MAPKAPK5: variants seen among roughly 807,000 people sequenced by gnomAD.
MAPKAPK5 encodes MAPK activated protein kinase 5.
Under a neutral mutation model 65.1 loss-of-function variants are expected in MAPKAPK5, and 30 were observed. The ratio of observed to expected loss-of-function variants is 0.46; its 90% CI spans 0.34 to 0.63. MAPKAPK5 has a LOEUF of 0.63. Among genes scored for constraint, MAPKAPK5 ranks in the 20% least tolerant of loss-of-function variants. The probability of loss-of-function intolerance (pLI) is 0.01; values close to 1 mark genes in which losing one functional copy is unlikely to be tolerated. For synonymous variants in MAPKAPK5, 179 were observed against 204.6 expected (o/e 0.87, Z 1.07); for missense variants, 433 against 581.4 (o/e 0.74, Z 2.63).
In MAPKAPK5 at chr12:111,880,508, C is replaced by T. The variant is rs1372322864; in HGVS notation, c.641C>T (p.Thr214Met). ...EKSGIIPTSP[T>M]PYTYNKSCDL... ...TCTGGCATCATACCTACCTCACCGA[C>T]GCCCTACACTTACAACAAGGTACAG... The change falls in exon 8 of 14, where the codon ACG becomes ATG. Residue 214 changes from threonine (T) to methionine (M), a missense_variant. Coordinates refer to ENST00000550735, the MANE Select transcript of MAPKAPK5 (RefSeq NM_003668.4). 1.4e-5 allele frequency: 22 copies of T among 1,610,316 alleles called. No individual in the cohort carries two copies. Among genetic ancestry groups the T allele is most frequent in the African/African-American group, 4.1e-5 (3 of 73,948 alleles).
chr12:111,866,016 T>G (rs370809585), intron 2 of MAPKAPK5, 140 bp from the exon 3 acceptor site: 2 of 630,972 alleles, frequency 3.2e-6, no homozygotes, highest in South Asian at 4.0e-5. Context: ...CCCCACCTGC[T>G]ACCCTTGGGG....
chr12:111,870,525 G>A (rs1281987186), intron 6 of MAPKAPK5, among the ~76,000 whole-genome samples, 165 bp downstream of exon 6: 2 of 152,192 alleles, frequency 1.3e-5, no homozygotes, highest in African/African-American at 2.4e-5. Context: ...CAGAGAAGCT[G>A]TACTACTGTA....
At chr12:111,869,875 A>G (rs977307498) in intron 5 of MAPKAPK5, among the ~76,000 whole-genome samples, 1 of 152,196 alleles carries the variant, frequency 6.6e-6, no homozygotes, top group Non-Finnish European at 1.5e-5. Context: ...GGAGAGTGCC[A>G]TTCTTGTCTG....
chr12:111,872,782 C>T (rs1657226635), intron 7 of MAPKAPK5, among the ~76,000 whole-genome samples: 1 of 152,172 alleles, frequency 6.6e-6, no homozygotes, highest in African/African-American at 2.4e-5. Context: ...ATGAGTGTCT[C>T]TCTCTATGAC....
chr12:111,863,020 T>A (rs1471768909), intron 1 of MAPKAPK5, among the ~76,000 whole-genome samples: 1 of 152,098 alleles, frequency 6.6e-6, no homozygotes, highest in Non-Finnish European at 1.5e-5. Context: ...GAGGAGGTGG[T>A]GAGTGAAGAT....
intron 6 of MAPKAPK5, 122 bp from the exon 7 acceptor site, chr12:111,870,963 A>C: frequency 1.5e-6 from 1 of 670,306 alleles, no homozygotes; most frequent in Non-Finnish European, 2.6e-6. Context: ...TATTTTCATA[A>C]GTTCGCATCT....
chr12:111,845,627 A>T (rs1052582974), intron 1 of MAPKAPK5, among the ~76,000 whole-genome samples: 3 of 152,296 alleles, frequency 2.0e-5, no homozygotes, highest in African/African-American at 7.2e-5. Flanking sequence ...AAATGTGCTT[A>T]TAATAATACC....
intron 2 of MAPKAPK5, among the ~76,000 whole-genome samples, chr12:111,865,866 G>A (rs538547229): frequency 6.7e-6 from 1 of 148,656 alleles, no homozygotes; most frequent in African/African-American, 2.5e-5. Context: ...AAAGGGTGTC[G>A]AGACTGTGGG....
intron 1 of MAPKAPK5, among the ~76,000 whole-genome samples, chr12:111,848,097 C>T (rs1458719656): frequency 6.6e-6 from 1 of 152,090 alleles, no homozygotes; most frequent in Non-Finnish European, 1.5e-5. Context: ...GTGTAGATAG[C>T]TAGATGTGGA....
Position 111,888,623 on chromosome 12 carries a change from CTG to C in MAPKAPK5, c.1100+6_1100+7del. 1.2e-6 allele frequency: 2 copies of C among 1,613,350 alleles called. No homozygotes were observed. The highest frequency in any genetic ancestry group is 1.7e-6 in the Non-Finnish European group (2 of 1,179,694). ...GCGGAAGAGGAAGTTACTTGGGTAACTGAGCTTATTTCTTCGATTCTTCTTCA... is the reference window on the plus strand; with the variant it reads ...GCGGAAGAGGAAGTTACTTGGGTAACAGCTTATTTCTTCGATTCTTCTTCA... On this transcript the variant is annotated splice_donor_region_variant and intron_variant, in intron 11 of 13. Coordinates refer to ENST00000550735, the MANE Select transcript of MAPKAPK5 (RefSeq NM_003668.4).
chr12:111,871,227 A>G (rs1362056459), intron 7 of MAPKAPK5, 47 bp downstream of exon 7: 1 of 1,493,370 alleles, frequency 6.7e-7, no homozygotes, highest in South Asian at 1.2e-5. Flanking sequence ...CAAGCTGCCC[A>G]TCAACTCGTG....
chr12:111,892,425 C>G (rs2070645126), intron 13 of MAPKAPK5, among the ~76,000 whole-genome samples: 1 of 152,166 alleles, frequency 6.6e-6, no homozygotes, highest in South Asian at 2.1e-4. Flanking sequence ...CTGGTTACTT[C>G]ACGTCCACAC....
intron 1 of MAPKAPK5, among the ~76,000 whole-genome samples, chr12:111,846,866 T>C (rs1307673578): frequency 6.6e-6 from 1 of 152,168 alleles, no homozygotes; most frequent in Admixed American, 6.6e-5. Flanking sequence ...GCCTGGGACA[T>C]GAATCATCCC....
intron 1 of MAPKAPK5, among the ~76,000 whole-genome samples, chr12:111,850,989 C>T (rs1203557550): frequency 6.6e-6 from 1 of 151,396 alleles, no homozygotes; most frequent in Non-Finnish European, 1.5e-5. Flanking sequence ...AGCTCTGCCT[C>T]CTGGGTTCAC....
At chr12:111,862,294 G>C (rs553336432) in intron 1 of MAPKAPK5, among the ~76,000 whole-genome samples, 3 of 152,188 alleles carry the variant, frequency 2.0e-5, no homozygotes, top group South Asian at 2.1e-4. Context: ...AGCTGTAGGA[G>C]AGCCTGGTAG....
intron 4 of MAPKAPK5, 40 bp from the exon 5 acceptor site, chr12:111,868,708 CTTTTT>C: frequency 2.3e-6 from 3 of 1,282,300 alleles, no homozygotes; most frequent in Non-Finnish European, 3.2e-6. Context: ...GTTTCTTTTT[CTTTTT>C]TTTTTTTTTA....
In MAPKAPK5 at chr12:111,865,232, C is replaced by G; in HGVS notation, c.37-18C>G. The stretch of plus-strand genomic sequence containing the variant: ...TGAGGAATCATTCTCTGTCCTCTCC[C>G]TTTTTTTATATTAATAGGAAACTTC... On this transcript the variant is annotated intron_variant, in intron 1 of 13. Coordinates refer to ENST00000550735, the MANE Select transcript of MAPKAPK5 (RefSeq NM_003668.4). 1 of 1,511,868 alleles carries G rather than the reference C, an allele frequency of 6.6e-7. No homozygotes were observed. Among genetic ancestry groups the G allele is most frequent in the South Asian group, 1.2e-5 (1 of 83,302 alleles). 93.7% of individuals were successfully genotyped at this position (1,511,868 alleles called of 1,614,324 possible).
intron 1 of MAPKAPK5, chr12:111,843,332 A>C (rs1391060509): frequency 5.0e-6 from 2 of 398,508 alleles, no homozygotes; most frequent in Non-Finnish European, 8.8e-6. Context: ...ACTTAGGAAA[A>C]GTTAACAGTT....
At position 111,901,527 on chromosome 12, in the gene MAPKAPK5, G is replaced by A. The variant is rs2071060002; in HGVS notation, c.*8466G>A. The A allele has an allele frequency of 5.5e-6, 2 of 363,802 alleles. No homozygotes were observed. The highest frequency in any genetic ancestry group is 6.3e-5 in the Admixed American group (2 of 31,688). 22.5% of individuals were successfully genotyped at this position (363,802 alleles called of 1,614,324 possible). On this transcript the variant is annotated 3_prime_UTR_variant, in exon 14 of 14. Transcript: ENST00000550735. ...ATTATTAAGTACAATTATTTGATCTGCTTGCTTAAAAAATCACCAGAGGCT... is the reference window on the plus strand; with the variant it reads ...ATTATTAAGTACAATTATTTGATCTACTTGCTTAAAAAATCACCAGAGGCT...
Sources: allele counts gnomAD v4.1 joint callset (sites outside exome capture counted in the v4.1 genomes callset), GRCh38; gene constraint gnomAD v4.1.1; transcripts MANE v1.5; gene names NCBI Gene and HGNC (gene_info 2026-07-23, HGNC 2026-07-21).